Variants in ST6GAL1 observed in about 807,000 individuals in gnomAD.
ST6GAL1 encodes ST6 beta-galactoside alpha-2,6-sialyltransferase 1.
In ST6GAL1, 20 loss-of-function variants were observed where a neutral mutation model predicts 38.0. The ratio of observed to expected loss-of-function variants is 0.53; its 90% CI spans 0.37 to 0.77. The LOEUF is 0.77. Among genes scored for constraint, ST6GAL1 ranks in the 30% least tolerant of loss-of-function variants. The pLI is 0.00. For missense variants in ST6GAL1, 432 were observed against 496.4 expected (o/e 0.87, Z 1.23); for synonymous variants, 196 against 188.2 (o/e 1.04, Z -0.34).
intron 1 of ST6GAL1, among the ~76,000 whole-genome samples, chr3:186,939,731 T>C (rs1053146082): frequency 1.3e-5 from 2 of 152,158 alleles, no homozygotes; most frequent in Non-Finnish European, 2.9e-5. Context: ...CAGGGAGCGT[T>C]GCTGCCGGTC....
intron 2 of ST6GAL1, among the ~76,000 whole-genome samples, chr3:186,974,308 G>A (rs1715450509): frequency 6.6e-6 from 1 of 152,150 alleles, no homozygotes. Flanking sequence ...GATACTGCAG[G>A]AACCGACTGA....
intron 1 of ST6GAL1, among the ~76,000 whole-genome samples, chr3:186,935,492 A>G (rs1713918491): frequency 6.6e-6 from 1 of 152,144 alleles, no homozygotes; most frequent in Non-Finnish European, 1.5e-5. Flanking sequence ...ATGGTAGAAC[A>G]ATTTATATTC....
chr3:187,074,167 G>A lies in ST6GAL1; in HGVS notation c.813G>A (p.Gln271=). 1 of 1,605,810 alleles carries A rather than the reference G, an allele frequency of 6.2e-7. No homozygotes were observed. ...VYHSDIPKWY[Q]NPDYNFFNNY... ...ACTTCTTTCTTTTTCAGTGGTACCAGAATCCGGATTATAATTTCTTTAACA... is the reference window on the plus strand; with the variant it reads ...ACTTCTTTCTTTTTCAGTGGTACCAAAATCCGGATTATAATTTCTTTAACA... Residue 271 remains glutamine (Q), a synonymous_variant, in exon 7 of 8, where the codon CAG becomes CAA. Coordinates refer to ENST00000169298, the MANE Select transcript of ST6GAL1 (RefSeq NM_173216.2).
chr3:187,009,919 C>T (rs967517064), intron 2 of ST6GAL1, among the ~76,000 whole-genome samples: 22 of 151,956 alleles, frequency 1.4e-4, no homozygotes, highest in Non-Finnish European at 1.5e-4. Context: ...GCAGGAGAAT[C>T]GCTTGAACCC....
At chr3:187,033,281 C>T (rs770297234) in intron 2 of ST6GAL1, among the ~76,000 whole-genome samples, 16 of 152,030 alleles carry the variant, frequency 1.1e-4, no homozygotes, top group Admixed American at 9.2e-4. Flanking sequence ...GCGTGGTGGC[C>T]GGTGCCTATA....
intron 2 of ST6GAL1, chr3:187,024,583 A>G (rs764716307): frequency 6.6e-6 from 1 of 151,802 alleles, no homozygotes; most frequent in Non-Finnish European, 1.5e-5. Flanking sequence ...TGAAACCACC[A>G]AATCTCAACA....
At chr3:187,036,324 A>G (rs1330738320) in intron 2 of ST6GAL1, among the ~76,000 whole-genome samples, 1 of 152,222 alleles carries the variant, frequency 6.6e-6, no homozygotes, top group Non-Finnish European at 1.5e-5. Flanking sequence ...TTCAGCCACC[A>G]TGAAAAGCAA....
chr3:187,008,488 AC>A (rs1167411527), intron 2 of ST6GAL1, among the ~76,000 whole-genome samples: 2 of 151,864 alleles, frequency 1.3e-5, no homozygotes, highest in Admixed American at 6.6e-5. Flanking sequence ...TGCTGGAAGA[AC>A]AAAAAAACTA....
chr3:187,077,531 C>T lies in ST6GAL1; in HGVS notation c.*1728C>T, dbSNP rs1170568786. ...AGAAAGGGCCCTGGAGTGAGAAAGC[C>T]TGGATTTTCAAATTGATGCTCCCCT... is the stretch of plus-strand genomic sequence containing the variant. On this transcript the variant is annotated 3_prime_UTR_variant, in exon 8 of 8. Transcript: ENST00000169298. 6.6e-6 allele frequency: 1 copy of T among 152,332 alleles called. No individual in the cohort carries two copies. Among genetic ancestry groups the T allele is most frequent in the Non-Finnish European group, 1.5e-5 (1 of 68,136 alleles). The allele number at this position is 152,332 out of a possible 1,614,324, so 9.4% of individuals were successfully genotyped here. A position where few individuals can be genotyped will look rare whatever the true frequency, so the allele number is the denominator to read the frequency against.
intron 5 of ST6GAL1, among the ~76,000 whole-genome samples, chr3:187,060,345 G>C (rs1264159927): frequency 6.6e-6 from 1 of 152,096 alleles, no homozygotes; most frequent in Non-Finnish European, 1.5e-5. Context: ...ATTTTTAGCA[G>C]AGACGAGGTT....
chr3:186,989,902 CT>C (rs1716097434), intron 2 of ST6GAL1, among the ~76,000 whole-genome samples: 1 of 152,216 alleles, frequency 6.6e-6, no homozygotes, highest in Non-Finnish European at 1.5e-5. Context: ...GGTCAACACT[CT>C]TACTTCACAG....
At chr3:186,956,157 C>T (rs1044931042) in intron 1 of ST6GAL1, among the ~76,000 whole-genome samples, 7 of 151,910 alleles carry the variant, frequency 4.6e-5, no homozygotes, top group South Asian at 4.2e-4. Context: ...TGCAAGCAGC[C>T]GGTCCCACAG....
At chr3:187,036,956 T>C (rs934026409) in intron 2 of ST6GAL1, among the ~76,000 whole-genome samples, 1 of 152,242 alleles carries the variant, frequency 6.6e-6, no homozygotes, top group African/African-American at 2.4e-5. Context: ...AGAACTCATA[T>C]TCTTTATCTC....
intron 1 of ST6GAL1, among the ~76,000 whole-genome samples, chr3:186,934,794 T>A (rs1390979687): frequency 6.6e-6 from 1 of 151,616 alleles, no homozygotes; most frequent in Non-Finnish European, 1.5e-5. Flanking sequence ...TCAGATGGCG[T>A]CTCGCTCTGT....
intron 2 of ST6GAL1, among the ~76,000 whole-genome samples, chr3:186,974,130 G>T (rs1156325736): frequency 6.6e-6 from 1 of 152,146 alleles, no homozygotes; most frequent in East Asian, 1.9e-4. Flanking sequence ...CTAGCTTTGG[G>T]CCACTGGAGA....
intron 2 of ST6GAL1, among the ~76,000 whole-genome samples, chr3:187,011,113 C>G (rs957257568): frequency 2.6e-5 from 4 of 152,168 alleles, no homozygotes; most frequent in African/African-American, 9.7e-5. Context: ...ATTCGCTTGC[C>G]TCAGCCTCCT....
At chr3:187,069,081 T>TA (rs1719271912) in intron 5 of ST6GAL1, among the ~76,000 whole-genome samples, 1 of 152,028 alleles carries the variant, frequency 6.6e-6, no homozygotes, top group African/African-American at 2.4e-5. Context: ...TCTTAGTTCT[T>TA]ATGGCCTGTC....
intron 7 of ST6GAL1, among the ~76,000 whole-genome samples, chr3:187,074,879 A>T (rs1186016799): frequency 6.6e-6 from 1 of 152,216 alleles, no homozygotes; most frequent in Admixed American, 6.5e-5. Flanking sequence ...CAGAAAACAC[A>T]ATTAATGTAA....
chr3:186,948,146 A>T (rs1714442566), intron 1 of ST6GAL1, among the ~76,000 whole-genome samples: 2 of 152,088 alleles, frequency 1.3e-5, no homozygotes, highest in Non-Finnish European at 2.9e-5. Flanking sequence ...TTGCGTCGGG[A>T]TGGCTGTCAA....
Sources: gnomAD v4.1 joint callset for allele counts (sites outside exome capture counted in the v4.1 genomes callset) on GRCh38, gnomAD v4.1.1 for gene constraint, MANE v1.5 for transcripts, NCBI Gene and HGNC (gene_info 2026-07-23, HGNC 2026-07-21) for gene names.